The following GALNTL6 variants were observed in gnomAD, a reference collection of about 807,000 sequenced individuals.
GALNTL6 encodes the protein polypeptide N-acetylgalactosaminyltransferase like 6.
GALNTL6 carries 46 observed loss-of-function variants against 73.7 expected under a neutral mutation model. That is an observed-to-expected ratio of 0.62 (90% CI 0.49 to 0.80). The LOEUF is 0.80. Among genes scored for constraint, GALNTL6 ranks in the 30% least tolerant of loss-of-function variants. The pLI is 0.00. For missense variants in GALNTL6, 604 were observed against 755.0 expected (o/e 0.80, Z 2.34); for synonymous variants, 259 against 263.7 (o/e 0.98, Z 0.17).
rs545152980 is a variant in GALNTL6, at chr4:172,862,256, G to GT, written c.924-20533dup. Reference sequence around the variant, plus strand: ...GATGAACCACTTGTTGGGAACTGGAGTAAAGGTCACTCTTGCTGTGCAAAG... The same window carrying GT: ...GATGAACCACTTGTTGGGAACTGGAGTTAAAGGTCACTCTTGCTGTGCAAAG... On this transcript the variant is annotated intron_variant, in intron 7 of 12. Transcript: ENST00000506823. Among the ~76,000 whole-genome samples the GT allele has an allele frequency of 7.2e-4, 110 of 152,344 alleles. 1 individual carries two copies. The East Asian group carries it at 0.014, about 19-fold the overall frequency.
intron 2 of GALNTL6, among the ~76,000 whole-genome samples, chr4:172,190,806 G>A (rs1057275285): frequency 6.6e-6 from 1 of 152,234 alleles, no homozygotes; most frequent in Non-Finnish European, 1.5e-5. Context: ...ACACTGTGAC[G>A]AAGGAAAATT....
intron 5 of GALNTL6, among the ~76,000 whole-genome samples, chr4:172,527,383 A>C (rs1315301761): frequency 2.0e-5 from 3 of 152,212 alleles, no homozygotes; most frequent in Non-Finnish European, 4.4e-5. Flanking sequence ...TTTGTTTAAA[A>C]TTATTGTAAG....
chr4:172,974,195 A>C (rs1696474352), intron 10 of GALNTL6, among the ~76,000 whole-genome samples: 1 of 152,198 alleles, frequency 6.6e-6, no homozygotes, highest in Non-Finnish European at 1.5e-5. Context: ...ACAGTAACAA[A>C]AAATTTCATT....
At chr4:172,531,770 G>A (rs1735177724) in intron 5 of GALNTL6, among the ~76,000 whole-genome samples, 1 of 152,180 alleles carries the variant, frequency 6.6e-6, no homozygotes, top group African/African-American at 2.4e-5. Flanking sequence ...ACCTTTCCAT[G>A]CCTAGGCTCA....
intron 5 of GALNTL6, among the ~76,000 whole-genome samples, chr4:172,472,140 T>C (rs1269244484): frequency 6.6e-6 from 1 of 152,230 alleles, no homozygotes; most frequent in Non-Finnish European, 1.5e-5. Flanking sequence ...TCATAATCAA[T>C]GTTTCCCTTT....
At chr4:171,937,444 AC>A (rs777318585) in intron 2 of GALNTL6, among the ~76,000 whole-genome samples, 1 of 152,190 alleles carries the variant, frequency 6.6e-6, no homozygotes, top group Non-Finnish European at 1.5e-5. Context: ...AGAAAAGTAT[AC>A]ATCTTTGACT....
rs533028528 is a variant in GALNTL6 at position 172,122,811 on chromosome 4, C to T, written c.139-106845C>T. 1.1e-4 allele frequency among the ~76,000 whole-genome samples: 17 copies of T among 152,282 alleles called. No individual in the cohort carries two copies. The South Asian group carries it at 2.5e-3, about 22-fold the overall frequency. On this transcript the variant is annotated intron_variant, in intron 2 of 12. Transcript: ENST00000506823. ...TCAATGGGCAGCATTTCTAAGATCT[C>T]TTTCCTGGGGGGAACCCTTACCTGC...
chr4:172,766,120 C>T (rs1579453231), intron 5 of GALNTL6, among the ~76,000 whole-genome samples: 1 of 152,150 alleles, frequency 6.6e-6, no homozygotes, highest in East Asian at 1.9e-4. Context: ...GGAATGGTTT[C>T]TCTTCCAATT....
intron 2 of GALNTL6, among the ~76,000 whole-genome samples, chr4:171,897,800 C>T (rs943399291): frequency 1.3e-5 from 2 of 150,932 alleles, no homozygotes; most frequent in South Asian, 2.1e-4. Context: ...TAGTGGCAGG[C>T]GCCTATAATC....
chr4:172,456,314 C>T (rs548880256), intron 5 of GALNTL6, among the ~76,000 whole-genome samples: 1 of 152,092 alleles, frequency 6.6e-6, no homozygotes, highest in East Asian at 2.0e-4. Flanking sequence ...ATCACAACTC[C>T]TTGCCAACAA....
At chr4:172,418,355 C>T (rs913601384) in intron 5 of GALNTL6, among the ~76,000 whole-genome samples, 7 of 152,110 alleles carry the variant, frequency 4.6e-5, no homozygotes, top group African/African-American at 1.7e-4. Context: ...ATAACTTGTT[C>T]TGACAGATGG....
At chr4:171,922,375 C>A (rs1737817535) in intron 2 of GALNTL6, among the ~76,000 whole-genome samples, 1 of 152,030 alleles carries the variant, frequency 6.6e-6, no homozygotes, top group Admixed American at 6.5e-5. Flanking sequence ...TTTATAACAA[C>A]CTCCAGAAAG....
chr4:171,956,006 G>GTT (rs1463185448), intron 2 of GALNTL6, among the ~76,000 whole-genome samples: 1 of 116,176 alleles, frequency 8.6e-6, no homozygotes, highest in Non-Finnish European at 1.8e-5. Context: ...ATTTGTGTGT[G>GTT]TGTGTGTGGG....
intron 2 of GALNTL6, among the ~76,000 whole-genome samples, chr4:171,863,629 T>C (rs1420689641): frequency 6.6e-6 from 1 of 152,156 alleles, no homozygotes; most frequent in Non-Finnish European, 1.5e-5. Context: ...TTTACTAGAT[T>C]ATTAAAGTTA....
chr4:172,733,953 A>G (rs1354275246), intron 5 of GALNTL6, among the ~76,000 whole-genome samples: 1 of 152,194 alleles, frequency 6.6e-6, no homozygotes, highest in African/African-American at 2.4e-5. Flanking sequence ...TCAGAAGAAG[A>G]CAGGAAGATG....
intron 2 of GALNTL6, among the ~76,000 whole-genome samples, chr4:171,909,846 T>C (rs1396075012): frequency 6.6e-6 from 1 of 152,154 alleles, no homozygotes; most frequent in Non-Finnish European, 1.5e-5. Context: ...AAGTGTTCAG[T>C]ATTTAGGCAG....
chr4:172,372,484 G>A (rs896709954), intron 5 of GALNTL6, among the ~76,000 whole-genome samples: 16 of 151,222 alleles, frequency 1.1e-4, no homozygotes, highest in African/African-American at 3.7e-4. Flanking sequence ...CACTAAGATG[G>A]CCACCGCCAC....
chr4:172,333,212 C>G (rs1470362801), intron 4 of GALNTL6, among the ~76,000 whole-genome samples: 2 of 152,058 alleles, frequency 1.3e-5, no homozygotes, highest in Non-Finnish European at 2.9e-5. Flanking sequence ...TCGAGACCAG[C>G]CTGACCAACA....
At chr4:172,033,542 C>G (rs1266042085) in intron 2 of GALNTL6, among the ~76,000 whole-genome samples, 1 of 151,782 alleles carries the variant, frequency 6.6e-6, no homozygotes, top group African/African-American at 2.4e-5. Flanking sequence ...AAAACTGGCC[C>G]TCAGTTATCA....
Sources: allele counts gnomAD v4.1 joint callset (sites outside exome capture counted in the v4.1 genomes callset), GRCh38; gene constraint gnomAD v4.1.1; transcripts MANE v1.5; gene names NCBI Gene and HGNC (gene_info 2026-07-23, HGNC 2026-07-21).